NRXN1: variants seen among roughly 807,000 people sequenced by gnomAD.
NRXN1 encodes the protein neurexin 1, also known as neurexin-1.
A neutral mutation model predicts 150.9 loss-of-function variants in NRXN1; 39 were observed. The observed-to-expected ratio is 0.26, with a 90% CI of 0.20 to 0.34. The LOEUF (loss-of-function observed/expected upper bound fraction) is 0.34. NRXN1 is among the 10% of genes least tolerant of loss of function. The probability of loss-of-function intolerance (pLI) is 1.00; values close to 1 mark genes in which losing one functional copy is unlikely to be tolerated. For missense variants in NRXN1, 1,815 were observed against 1,949.9 expected (o/e 0.93, Z 1.30); for synonymous variants, 924 against 757.0 (o/e 1.22, Z -3.62).
At chr2:50,999,569 C>G (rs7599370) in intron 2 of NRXN1, among the ~76,000 whole-genome samples, 33,043 of 151,872 alleles carry the variant, frequency 0.22, 3,958 homozygotes, top group Non-Finnish European at 0.28. Flanking sequence ...TTTAAAATTT[C>G]TCTCTTTTGT....
rs543270725 is a variant in NRXN1 at position 50,866,060 on chromosome 2, C to A, written c.832+55809G>T. ...TACCAGCTACCTCCCACCATTTGGC[C>A]AAATTGGTCTGTCTCTGGCTCTTTA... On this transcript the variant is annotated intron_variant, in intron 5 of 22. Coordinates refer to ENST00000401669, the MANE Select transcript of NRXN1 (RefSeq NM_001330078.2). 2.0e-5 allele frequency among the ~76,000 whole-genome samples: 3 copies of A among 151,780 alleles called. No homozygotes were observed. The South Asian group carries it at 6.2e-4, about 32-fold the overall frequency.
At chr2:50,904,742 A>G (rs1025989764) in intron 5 of NRXN1, among the ~76,000 whole-genome samples, 1 of 152,084 alleles carries the variant, frequency 6.6e-6, no homozygotes, top group Non-Finnish European at 1.5e-5. Context: ...AAACTTTCTT[A>G]ATTTTCATAT....
intron 5 of NRXN1, among the ~76,000 whole-genome samples, chr2:50,714,267 G>C (rs544127894): frequency 8.3e-4 from 126 of 152,206 alleles, no homozygotes; most frequent in African/African-American, 2.9e-3. Flanking sequence ...GAAGTTGCAA[G>C]AGGCCAAATG....
At chr2:50,813,105 G>A (rs1394602893) in intron 5 of NRXN1, among the ~76,000 whole-genome samples, 3 of 151,964 alleles carry the variant, frequency 2.0e-5, no homozygotes, top group African/African-American at 7.3e-5. Context: ...GAGTCGGGAG[G>A]ATGGCTTGAG....
At position 50,347,561 on chromosome 2, in the gene NRXN1, G is replaced by A; in HGVS notation, c.3365-110591C>T. 1 of 1,026,764 alleles carries A rather than the reference G, an allele frequency of 9.7e-7. No homozygotes were observed. 63.6% of individuals were successfully genotyped at this position (1,026,764 alleles called of 1,614,324 possible). ...TCCCCCGGGCAGCGCGCGGAGCAGC[G>A]GCGCGCATCGCCTGCTCCCGAGGCA... On this transcript the variant is annotated intron_variant, in intron 17 of 22. Coordinates refer to ENST00000401669, the MANE Select transcript of NRXN1 (RefSeq NM_001330078.2). The surrounding 1 kb of genome is among the most constrained non-coding windows in gnomAD (Gnocchi z 4.9).
At chr2:50,008,274 A>G (rs1251463544) in intron 21 of NRXN1, among the ~76,000 whole-genome samples, 1 of 152,092 alleles carries the variant, frequency 6.6e-6, no homozygotes, top group African/African-American at 2.4e-5. Flanking sequence ...TTTCTAATGA[A>G]CAGAACACTA....
At chr2:50,624,376 T>A (rs915472216) in intron 5 of NRXN1, among the ~76,000 whole-genome samples, 1 of 152,100 alleles carries the variant, frequency 6.6e-6, no homozygotes, top group Admixed American at 6.6e-5. Context: ...TAAATGCATA[T>A]TGGATGGTTC....
In NRXN1 at chr2:49,918,945, C is replaced by G. The variant is rs1158307439; in HGVS notation, c.*2999G>C. The G allele has an allele frequency of 6.6e-6, 1 of 151,944 alleles. No individual in the cohort carries two copies. Among genetic ancestry groups the G allele is most frequent in the African/African-American group, 2.4e-5 (1 of 41,396 alleles). The allele number at this position is 151,944 out of a possible 1,614,324, so 9.4% of individuals were successfully genotyped here. ...AATAATGGATAAATTGGCCTTGCAA[C>G]AGAAAAACAAACAAACAAAAAAAGA... is the stretch of plus-strand genomic sequence containing the variant. On this transcript the variant is annotated 3_prime_UTR_variant, in exon 23 of 23. Transcript: ENST00000401669.
At chr2:50,897,368 A>G (rs887756256) in intron 5 of NRXN1, among the ~76,000 whole-genome samples, 1 of 152,218 alleles carries the variant, frequency 6.6e-6, no homozygotes, top group African/African-American at 2.4e-5. Flanking sequence ...AGTATCAGTG[A>G]TACCAGGACC....
At chr2:50,141,925 C>T (rs981818192) in intron 18 of NRXN1, among the ~76,000 whole-genome samples, 16 of 151,980 alleles carry the variant, frequency 1.1e-4, no homozygotes, top group Admixed American at 7.2e-4. Context: ...AGAGCTATTA[C>T]ATGATTCAGC....
At chr2:50,305,027 G>T (rs111597827) in intron 17 of NRXN1, among the ~76,000 whole-genome samples, 38,112 of 151,942 alleles carry the variant, frequency 0.25, 5,080 homozygotes, top group East Asian at 0.39. Flanking sequence ...GAGGCAGAGG[G>T]TGTAGTGAGC....
intron 10 of NRXN1, among the ~76,000 whole-genome samples, chr2:50,531,772 G>A (rs1262629565): frequency 2.0e-5 from 3 of 152,040 alleles, no homozygotes; most frequent in Non-Finnish European, 4.4e-5. Flanking sequence ...ACGTTCTTTT[G>A]TACAGCCACA....
At chr2:50,126,263 A>T (rs754474998) in intron 18 of NRXN1, among the ~76,000 whole-genome samples, 1 of 152,110 alleles carries the variant, frequency 6.6e-6, no homozygotes, top group African/African-American at 2.4e-5. Flanking sequence ...AAATGTCAAG[A>T]AAAACACCTT....
intron 17 of NRXN1, among the ~76,000 whole-genome samples, chr2:50,357,521 T>C (rs1325077287): frequency 6.6e-6 from 1 of 151,984 alleles, no homozygotes; most frequent in East Asian, 1.9e-4. Flanking sequence ...TTAGTCAGGC[T>C]GATCTCGAAC....
rs573364398 is a variant in NRXN1, at chr2:49,940,595, C to G, written c.4216+3109G>C. On this transcript the variant is annotated intron_variant, in intron 22 of 22. Coordinates refer to ENST00000401669, the MANE Select transcript of NRXN1 (RefSeq NM_001330078.2). ...ACAAAAACAAACAGAAAAACACAAC[C>G]CATATTCCAAGAAAAAAGTTGGAAA... is the stretch of plus-strand genomic sequence containing the variant. Among the ~76,000 whole-genome samples the G allele has an allele frequency of 1.2e-4, 18 of 152,224 alleles. No individual in the cohort carries two copies. The East Asian group carries it at 2.9e-3, about 25-fold the overall frequency.
At position 50,842,575 on chromosome 2, in the gene NRXN1, C is replaced by T. The variant is rs957599607; in HGVS notation, c.832+79294G>A. ...TCAGCATTGGAAATATCTGCTTTAG[C>T]GTCTAAATATTTATTTGCTATACCT... On this transcript the variant is annotated intron_variant, in intron 5 of 22. Transcript: ENST00000401669. Among the ~76,000 whole-genome samples the T allele has an allele frequency of 3.3e-5, 5 of 152,072 alleles. No homozygotes were observed. In the East Asian group the frequency reaches 5.8e-4, roughly 18 times the overall value.
intron 18 of NRXN1, among the ~76,000 whole-genome samples, chr2:50,164,584 T>C (rs929657005): frequency 4.6e-5 from 7 of 152,200 alleles, no homozygotes. Flanking sequence ...TTGCATTTGC[T>C]TTGGCAGCTT....
chr2:51,023,831 C>A (rs756345681), intron 2 of NRXN1, among the ~76,000 whole-genome samples: 14 of 152,018 alleles, frequency 9.2e-5, no homozygotes, highest in Non-Finnish European at 2.1e-4. Flanking sequence ...GTCACATTCA[C>A]AAAGTAATGG....
At chr2:50,246,805 A>T (rs2152892952) in intron 17 of NRXN1, among the ~76,000 whole-genome samples, 1 of 152,034 alleles carries the variant, frequency 6.6e-6, no homozygotes, top group Middle Eastern at 3.4e-3. Context: ...ACATCCACTA[A>T]CTTATTTTTA....
Sources: allele counts gnomAD v4.1 joint callset (sites outside exome capture counted in the v4.1 genomes callset), GRCh38; gene constraint gnomAD v4.1.1; non-coding constraint Gnocchi (gnomAD v3.1); transcripts MANE v1.5; gene names NCBI Gene and HGNC (gene_info 2026-07-23, HGNC 2026-07-21).